CHCHD6: variants seen among roughly 807,000 people sequenced by gnomAD.
The protein encoded by CHCHD6 is coiled-coil-helix-coiled-coil-helix domain containing 6.
In CHCHD6, 28 loss-of-function variants were observed where a neutral mutation model predicts 32.3. The ratio of observed to expected loss-of-function variants is 0.87; its 90% CI spans 0.64 to 1.19. CHCHD6 has a LOEUF of 1.19. CHCHD6 is among the 50% of genes most tolerant of loss of function. The pLI is 0.00. For missense variants in CHCHD6, 333 were observed against 307.0 expected, an observed-to-expected ratio of 1.08 and a Z score of -0.63; for synonymous variants, 122 against 117.5, an observed-to-expected ratio of 1.04 and a Z score of -0.25.
intron 5 of CHCHD6, among the ~76,000 whole-genome samples, chr3:126,892,972 T>C (rs1221498959): frequency 6.6e-6 from 1 of 152,134 alleles, no homozygotes; most frequent in Non-Finnish European, 1.5e-5. Flanking sequence ...TTTTGTTTTG[T>C]TTTGTTTTGT....
intron 4 of CHCHD6, among the ~76,000 whole-genome samples, chr3:126,788,203 G>C (rs1290890342): frequency 2.0e-5 from 3 of 152,166 alleles, no homozygotes; most frequent in Non-Finnish European, 4.4e-5. Flanking sequence ...TAAGCTTTTT[G>C]ATGTGCTTCT....
intron 4 of CHCHD6, among the ~76,000 whole-genome samples, chr3:126,788,693 T>C (rs908622039): frequency 6.6e-6 from 1 of 152,160 alleles, no homozygotes; most frequent in Non-Finnish European, 1.5e-5. Flanking sequence ...ATTTTTTTAT[T>C]GCATCTATTT....
chr3:126,755,838 A>ATGTG (rs58430251), intron 4 of CHCHD6, among the ~76,000 whole-genome samples: 1,840 of 145,936 alleles, frequency 0.013, 27 homozygotes, highest in East Asian at 0.059. Context: ...CTGTGTGTGC[A>ATGTG]TGTGTGTGTG....
At chr3:126,712,699 T>C (rs1934808148) in intron 1 of CHCHD6, among the ~76,000 whole-genome samples, 1 of 152,232 alleles carries the variant, frequency 6.6e-6, no homozygotes, top group Non-Finnish European at 1.5e-5. Flanking sequence ...TGACCGTTTC[T>C]GAGCCTGCTA....
In CHCHD6 at chr3:126,733,185, G is replaced by T; in HGVS notation, c.374G>T (p.Gly125Val). Residue 125 changes from glycine to valine, a missense_variant, in exon 4 of 8, where the codon GGC becomes GTC. Coordinates refer to ENST00000290913, the MANE Select transcript of CHCHD6 (RefSeq NM_032343.3). ...HSKASLPTGE[G>V]SISHEEQKSV... ...AAGGCATCCCTGCCCACGGGCGAAGGCAGCATCAGCCATGAGGAGCAGAAG... is the reference window on the plus strand; with the variant it reads ...AAGGCATCCCTGCCCACGGGCGAAGTCAGCATCAGCCATGAGGAGCAGAAG... 6.2e-7 allele frequency: 1 copy of T among 1,614,162 alleles called. No individual in the cohort carries two copies. Among genetic ancestry groups the T allele is most frequent in the South Asian group, 1.1e-5 (1 of 91,074 alleles).
chr3:126,722,934 A>G, intron 1 of CHCHD6, among the ~76,000 whole-genome samples: 1 of 152,214 alleles, frequency 6.6e-6, no homozygotes, highest in East Asian at 1.9e-4. Flanking sequence ...TTATAGTTTT[A>G]GCTCTTAATG....
At chr3:126,907,916 T>C (rs1051144645) in intron 5 of CHCHD6, among the ~76,000 whole-genome samples, 1 of 152,218 alleles carries the variant, frequency 6.6e-6, no homozygotes, top group Non-Finnish European at 1.5e-5. Context: ...CTTGCCACTG[T>C]GTGGAAAGCC....
chr3:126,766,340 C>CT, intron 4 of CHCHD6: 1 of 416,044 alleles, frequency 2.4e-6, no homozygotes, highest in South Asian at 2.3e-5. Context: ...TCAGCTTTTG[C>CT]TTTTTTAAAT....
intron 6 of CHCHD6, among the ~76,000 whole-genome samples, chr3:126,919,643 T>G (rs2078218889): frequency 7.1e-6 from 1 of 141,512 alleles, no homozygotes; most frequent in Non-Finnish European, 1.6e-5. Context: ...TTTTTTTTAG[T>G]GTATCTTTTC....
In CHCHD6 at chr3:126,871,642, C is replaced by T. The variant is rs556777346; in HGVS notation, c.495+18912C>T. 4.0e-5 allele frequency among the ~76,000 whole-genome samples: 6 copies of T among 149,940 alleles called. No individual in the cohort carries two copies. The East Asian group carries it at 9.8e-4, about 24-fold the overall frequency. On this transcript the variant is annotated intron_variant, in intron 5 of 7. Coordinates refer to ENST00000290913, the MANE Select transcript of CHCHD6 (RefSeq NM_032343.3). ...GTTGGAGCTGAGGACAGCTTATGCT[C>T]TTCCCCCCGACCCCCCAACTTTTTT...
intron 5 of CHCHD6, among the ~76,000 whole-genome samples, chr3:126,863,343 C>T (rs868165203): frequency 0.02 from 2,569 of 125,932 alleles, 21 homozygotes; most frequent in Non-Finnish European, 0.033. Flanking sequence ...CCTCCATCAC[C>T]TCCTCCTCCT....
At chr3:126,839,492 T>C (rs1458757184) in intron 4 of CHCHD6, among the ~76,000 whole-genome samples, 1 of 151,706 alleles carries the variant, frequency 6.6e-6, no homozygotes, top group African/African-American at 2.4e-5. Flanking sequence ...AAGTATAAGG[T>C]GCACTAATTT....
chr3:126,727,560 C>T (rs902215578), intron 2 of CHCHD6, among the ~76,000 whole-genome samples: 4 of 152,222 alleles, frequency 2.6e-5, no homozygotes, highest in African/African-American at 4.8e-5. Context: ...TGTGGATTCA[C>T]GTGAACAGGG....
At chr3:126,877,790 T>C (rs2077559029) in intron 5 of CHCHD6, among the ~76,000 whole-genome samples, 1 of 152,240 alleles carries the variant, frequency 6.6e-6, no homozygotes. Context: ...TGTGATATTG[T>C]CCTATAGTTA....
intron 4 of CHCHD6, among the ~76,000 whole-genome samples, chr3:126,821,031 G>T (rs190042550): frequency 2.6e-5 from 4 of 152,202 alleles, no homozygotes; most frequent in Non-Finnish European, 5.9e-5. Context: ...TGTATCTGTG[G>T]ATTTGCCTAT....
intron 4 of CHCHD6, among the ~76,000 whole-genome samples, chr3:126,802,819 G>T (rs562938582): frequency 6.6e-6 from 1 of 152,252 alleles, no homozygotes; most frequent in South Asian, 2.1e-4. Flanking sequence ...AGAGAGAAAG[G>T]TTGGGTTACC....
chr3:126,710,152 G>A (rs1171893745), intron 1 of CHCHD6, among the ~76,000 whole-genome samples: 2 of 152,186 alleles, frequency 1.3e-5, no homozygotes, highest in Admixed American at 6.5e-5. Flanking sequence ...GATCTAAATC[G>A]ATGTTTGCTT....
At chr3:126,732,292 C>T (rs917297479) in intron 3 of CHCHD6, among the ~76,000 whole-genome samples, 1 of 152,042 alleles carries the variant, frequency 6.6e-6, no homozygotes, top group Non-Finnish European at 1.5e-5. Flanking sequence ...CCACCCAGTC[C>T]CCTCACCCCC....
chr3:126,778,422 C>T (rs1937759285), intron 4 of CHCHD6, among the ~76,000 whole-genome samples: 3 of 152,236 alleles, frequency 2.0e-5, no homozygotes. Context: ...TTCTCCACAT[C>T]TTCACCAACG....
Sources: allele counts gnomAD v4.1 joint callset (sites outside exome capture counted in the v4.1 genomes callset), GRCh38; gene constraint gnomAD v4.1.1; transcripts MANE v1.5; gene names NCBI Gene and HGNC (gene_info 2026-07-23, HGNC 2026-07-21).